GPM6A: variants seen among roughly 807,000 people sequenced by gnomAD.
The protein encoded by GPM6A is neuronal membrane glycoprotein M6-a.
A neutral mutation model predicts 32.1 loss-of-function variants in GPM6A; 7 were observed. The observed-to-expected ratio is 0.22, with a 90% confidence interval of 0.12 to 0.41. The LOEUF is 0.41. Among genes scored for constraint, GPM6A ranks in the 10% least tolerant of loss-of-function variants. GPM6A has a pLI of 1.00. For synonymous variants in GPM6A, 130 were observed against 123.4 expected (o/e 1.05, Z -0.35); for missense variants, 235 against 347.2 (o/e 0.68, Z 2.57).
At chr4:175,816,051 C>T (rs533870027), upstream of GPM6A, among the ~76,000 whole-genome samples, 2 of 152,202 alleles carry the variant, frequency 1.3e-5, no homozygotes, top group Non-Finnish European at 2.9e-5. Flanking sequence ...ATTATCCAAC[C>T]ATGGTGGTGC....
chr4:175,674,523 C>T (rs1336809986), intron 2 of GPM6A, among the ~76,000 whole-genome samples: 1 of 152,054 alleles, frequency 6.6e-6, no homozygotes, highest in African/African-American at 2.4e-5. Context: ...CTAATTAGGA[C>T]AAAATACCAA....
intron 1 of GPM6A, among the ~76,000 whole-genome samples, chr4:175,797,549 C>A (rs1341408549): frequency 6.6e-6 from 1 of 152,126 alleles, no homozygotes; most frequent in Non-Finnish European, 1.5e-5. Context: ...CCATCTCAAT[C>A]AATTTCCCCC....
At chr4:175,798,814 C>T (rs1445103810) in intron 1 of GPM6A, 1 of 152,052 alleles carries the variant, frequency 6.6e-6, no homozygotes, top group Non-Finnish European at 1.5e-5. Context: ...CTTAGTGTCC[C>T]ATTTTCTCCT....
intron 1 of GPM6A, among the ~76,000 whole-genome samples, chr4:175,934,982 G>T (rs927233226): frequency 6.6e-6 from 1 of 152,170 alleles, no homozygotes; most frequent in Non-Finnish European, 1.5e-5. Context: ...ACCAAGCACA[G>T]AATTCGAAAG....
chr4:175,972,022 CAG>C (rs1561017846), intron 1 of GPM6A: 1 of 152,120 alleles, frequency 6.6e-6, no homozygotes, highest in African/African-American at 2.4e-5. Context: ...TATTTCCAGT[CAG>C]AAGAGAGTCA....
At chr4:175,689,219 T>C (rs1454075312) in intron 2 of GPM6A, among the ~76,000 whole-genome samples, 1 of 152,228 alleles carries the variant, frequency 6.6e-6, no homozygotes, top group Non-Finnish European at 1.5e-5. Flanking sequence ...ATAAGAATTT[T>C]AGGATTTACT....
chr4:175,890,637 G>A (rs1292687069), intron 1 of GPM6A, among the ~76,000 whole-genome samples: 1 of 151,778 alleles, frequency 6.6e-6, no homozygotes, highest in East Asian at 1.9e-4. Context: ...TGCAATCATG[G>A]CCCACCGCAG....
At chr4:175,653,677 C>T (rs1211080495) in intron 3 of GPM6A, among the ~76,000 whole-genome samples, 2 of 152,028 alleles carry the variant, frequency 1.3e-5, no homozygotes, top group African/African-American at 2.4e-5. Flanking sequence ...GCTGAACAAA[C>T]ACTTATGAGG....
chr4:175,884,657 G>C (rs572151106), intron 1 of GPM6A, among the ~76,000 whole-genome samples: 1 of 151,592 alleles, frequency 6.6e-6, no homozygotes, highest in Non-Finnish European at 1.5e-5. Context: ...TCAGCCTCTC[G>C]AGTAGCTGGG....
At chr4:175,673,421 C>A (rs192285664) in intron 3 of GPM6A, among the ~76,000 whole-genome samples, 2,632 of 150,668 alleles carry the variant, frequency 0.017, 42 homozygotes, top group Middle Eastern at 0.038. Context: ...AAAAAAAAAA[C>A]CATACATCAA....
chr4:175,983,354 A>G (rs1274964014), intron 1 of GPM6A, among the ~76,000 whole-genome samples: 1 of 152,206 alleles, frequency 6.6e-6, no homozygotes, highest in Non-Finnish European at 1.5e-5. Context: ...AGCTCTTTAT[A>G]TACCATGCAG....
intron 1 of GPM6A, among the ~76,000 whole-genome samples, chr4:175,720,400 A>G (rs1313369316): frequency 6.6e-6 from 1 of 152,182 alleles, no homozygotes; most frequent in Non-Finnish European, 1.5e-5. Flanking sequence ...TGTGAAGTGA[A>G]AATAAGAATA....
At chr4:175,907,957 G>A (rs555807370) in intron 1 of GPM6A, among the ~76,000 whole-genome samples, 2 of 152,198 alleles carry the variant, frequency 1.3e-5, no homozygotes, top group African/African-American at 4.8e-5. Flanking sequence ...ATGGGTAAGG[G>A]AAATATATTC....
intron 1 of GPM6A, among the ~76,000 whole-genome samples, chr4:175,892,279 A>G (rs1395615021): frequency 1.3e-5 from 2 of 152,196 alleles, no homozygotes; most frequent in African/African-American, 2.4e-5. Context: ...AACTTACTTC[A>G]TTAACCTTAA....
intron 3 of GPM6A, among the ~76,000 whole-genome samples, chr4:175,654,513 C>T (rs1741971346): frequency 6.6e-6 from 1 of 152,066 alleles, no homozygotes; most frequent in Non-Finnish European, 1.5e-5. Context: ...ACTACTCTTG[C>T]TACATATATT....
intron 1 of GPM6A, among the ~76,000 whole-genome samples, chr4:175,902,875 G>A (rs1019048271): frequency 1.3e-5 from 2 of 151,984 alleles, no homozygotes; most frequent in African/African-American, 4.8e-5. Flanking sequence ...TATTACCCCA[G>A]ATGAACGACA....
intron 1 of GPM6A, among the ~76,000 whole-genome samples, chr4:175,924,473 A>G (rs963564467): frequency 6.6e-6 from 1 of 152,112 alleles, no homozygotes. Flanking sequence ...GGAATATGGG[A>G]AAGGATAGGT....
At chr4:175,644,896 C>A (rs1201516590) in intron 4 of GPM6A, among the ~76,000 whole-genome samples, 2 of 151,966 alleles carry the variant, frequency 1.3e-5, no homozygotes. Context: ...CAGCTGAGGT[C>A]AGGAGTTCAA....
intron 6 of GPM6A, among the ~76,000 whole-genome samples, chr4:175,637,523 A>G (rs1327053855): frequency 9.5e-6 from 1 of 105,214 alleles, no homozygotes; most frequent in Non-Finnish European, 1.8e-5. Context: ...ATATTTTTAT[A>G]TATATAAAAA....
Sources: allele counts gnomAD v4.1 joint callset (sites outside exome capture counted in the v4.1 genomes callset), GRCh38; gene constraint gnomAD v4.1.1; transcripts MANE v1.5; gene names NCBI Gene and HGNC (gene_info 2026-07-23, HGNC 2026-07-21).